Variants in VRK1 observed in about 807,000 individuals in gnomAD.
VRK1 encodes serine/threonine-protein kinase VRK1.
VRK1 carries 33 observed loss-of-function variants against 57.1 expected under a neutral mutation model. The ratio of observed to expected loss-of-function variants is 0.58; its 90% CI spans 0.44 to 0.77. The LOEUF (loss-of-function observed/expected upper bound fraction) is 0.77, where lower values mean the gene tolerates loss of function less well. Ranked by LOEUF, VRK1 falls within the 30% of genes least tolerant of loss-of-function variation. The pLI is 0.00. For synonymous variants in VRK1, 137 were observed against 147.8 expected, an observed-to-expected ratio of 0.93 and a Z score of 0.53; for missense variants, 413 against 477.3, an observed-to-expected ratio of 0.87 and a Z score of 1.25.
intron 3 of VRK1, among the ~76,000 whole-genome samples, chr14:96,842,615 C>T (rs963486950): frequency 4.6e-5 from 7 of 152,032 alleles, no homozygotes; most frequent in African/African-American, 1.7e-4. Context: ...GCAAATGTTA[C>T]GAAATAAAGG....
At chr14:96,841,522 T>A (rs187364614) in intron 3 of VRK1, among the ~76,000 whole-genome samples, 2 of 152,316 alleles carry the variant, frequency 1.3e-5, no homozygotes, top group East Asian at 3.9e-4. Context: ...TTTTAGTAAC[T>A]TTTTGGATGT....
At chr14:96,814,993 G>A (rs962268960) in intron 1 of VRK1, among the ~76,000 whole-genome samples, 5 of 152,118 alleles carry the variant, frequency 3.3e-5, no homozygotes, top group Admixed American at 6.5e-5. Flanking sequence ...AACTATCCAT[G>A]TATATTTGAC....
intron 1 of VRK1, among the ~76,000 whole-genome samples, chr14:96,803,084 ACTGT>A (rs1015459286): frequency 4.0e-5 from 6 of 151,280 alleles, no homozygotes; most frequent in South Asian, 2.1e-4. Flanking sequence ...TATCAGATTG[ACTGT>A]CTGGTGTCTT....
At chr14:96,864,266 A>G (rs1888499121) in intron 11 of VRK1, among the ~76,000 whole-genome samples, 1 of 152,200 alleles carries the variant, frequency 6.6e-6, no homozygotes, top group Admixed American at 6.5e-5. Flanking sequence ...TGTATAGAAA[A>G]GTACATGAAT....
At chr14:96,878,177 A>AATAT (rs1363067309) in intron 12 of VRK1, among the ~76,000 whole-genome samples, 11 of 152,354 alleles carry the variant, frequency 7.2e-5, no homozygotes, top group African/African-American at 1.9e-4. Context: ...AAGTGAGAGA[A>AATAT]ATATTATCTG....
chr14:96,879,995 A>G (rs1479846180), intron 12 of VRK1, among the ~76,000 whole-genome samples: 3 of 152,050 alleles, frequency 2.0e-5, no homozygotes, highest in Non-Finnish European at 2.9e-5. Context: ...ACTGTGGGAT[A>G]TTTTTAATAG....
intron 11 of VRK1, among the ~76,000 whole-genome samples, chr14:96,863,151 A>G (rs980272540): frequency 6.6e-6 from 1 of 152,200 alleles, no homozygotes; most frequent in African/African-American, 2.4e-5. Flanking sequence ...TAAAGCATAG[A>G]ATTTTGGGAT....
intron 1 of VRK1, among the ~76,000 whole-genome samples, chr14:96,801,874 CAA>C (rs540418948): frequency 7.9e-5 from 12 of 151,966 alleles, no homozygotes; most frequent in Non-Finnish European, 1.6e-4. Flanking sequence ...GGAGGAGGAA[CAA>C]GAGGAGAGGT....
chr14:96,877,745 C>T (rs1320046325), intron 12 of VRK1: 1 of 905,760 alleles, frequency 1.1e-6, no homozygotes, highest in African/African-American at 1.8e-5. Context: ...ATCAGGAAGA[C>T]TCATCCCTTT....
intron 11 of VRK1, among the ~76,000 whole-genome samples, chr14:96,873,959 G>A (rs1888927230): frequency 6.6e-6 from 1 of 152,234 alleles, no homozygotes; most frequent in African/African-American, 2.4e-5. Flanking sequence ...TCTTTTGTTG[G>A]TTGAATACTG....
intron 1 of VRK1, among the ~76,000 whole-genome samples, chr14:96,822,084 T>TG (rs1886625349): frequency 6.6e-6 from 1 of 151,992 alleles, no homozygotes; most frequent in African/African-American, 2.4e-5. Context: ...CCCTGCCTTT[T>TG]TTTTTTTTTC....
rs767102801 is a variant in VRK1 at position 96,846,186 on chromosome 14, C to G, written c.286+22C>G. The G allele has an allele frequency of 5.6e-6, 9 of 1,610,204 alleles. No homozygotes were observed. The African/African-American group carries it at 1.2e-4, about 22-fold the overall frequency. On this transcript the variant is annotated intron_variant, in intron 4 of 12. Coordinates refer to ENST00000216639, the MANE Select transcript of VRK1 (RefSeq NM_003384.3). ...CAAAGTAAGAAATACAGTACACATA[C>G]GTTTACACTTTTAAAATGACCAGTT...
chr14:96,826,386 G>A (rs1886801503), intron 1 of VRK1, among the ~76,000 whole-genome samples: 1 of 152,146 alleles, frequency 6.6e-6, no homozygotes, highest in Non-Finnish European at 1.5e-5. Context: ...TGGTGAATAT[G>A]CTAATATGGA....
intron 1 of VRK1, among the ~76,000 whole-genome samples, chr14:96,797,713 C>G (rs866165966): frequency 2.0e-5 from 3 of 152,192 alleles, no homozygotes; most frequent in Admixed American, 6.5e-5. Context: ...GGCCGGCCCC[C>G]ATCTGAGCTC....
chr14:96,860,387 G>T (rs1426442398), intron 10 of VRK1, among the ~76,000 whole-genome samples, 170 bp from the exon 11 acceptor site: 2 of 151,928 alleles, frequency 1.3e-5, no homozygotes, highest in East Asian at 3.8e-4. Context: ...TCAGTTATCT[G>T]ACAATTCCTG....
At chr14:96,838,313 T>A (rs1445035730) in intron 3 of VRK1, among the ~76,000 whole-genome samples, 1 of 152,148 alleles carries the variant, frequency 6.6e-6, no homozygotes, top group Non-Finnish European at 1.5e-5. Flanking sequence ...TGAAATTAGT[T>A]TGTAATGAGT....
In VRK1 at chr14:96,881,448, G is replaced by GT. The variant is rs1889255869; in HGVS notation, c.*243dup. On this transcript the variant is annotated 3_prime_UTR_variant, in exon 13 of 13. Coordinates refer to ENST00000216639, the MANE Select transcript of VRK1 (RefSeq NM_003384.3). ...TCCTTAAGTTATCCCAAAGCCGTGTGTTTGTGATGTTTTGGAGTACATATA... is the reference window on the plus strand; with the variant it reads ...TCCTTAAGTTATCCCAAAGCCGTGTGTTTTGTGATGTTTTGGAGTACATATA... 4 of 423,058 alleles carry GT rather than the reference G, an allele frequency of 9.5e-6. No individual in the cohort carries two copies. Among genetic ancestry groups the GT allele is most frequent in the Non-Finnish European group, 1.7e-5 (4 of 239,572 alleles). The allele number at this position is 423,058 out of a possible 1,614,324, so 26.2% of individuals were successfully genotyped here. A position where few individuals can be genotyped will look rare whatever the true frequency, so the allele number is the denominator to read the frequency against.
chr14:96,799,845 T>A (rs1185624012), intron 1 of VRK1, among the ~76,000 whole-genome samples: 1 of 152,124 alleles, frequency 6.6e-6, no homozygotes, highest in Non-Finnish European at 1.5e-5. Context: ...TCAGCAGAGA[T>A]CACGTGCCCC....
chr14:96,817,190 T>C (rs1166644907), intron 1 of VRK1, among the ~76,000 whole-genome samples: 1 of 152,152 alleles, frequency 6.6e-6, no homozygotes, highest in Non-Finnish European at 1.5e-5. Flanking sequence ...TAAGGAGAAG[T>C]TTTTTTCTTT....
Sources: gnomAD v4.1 joint callset for allele counts (sites outside exome capture counted in the v4.1 genomes callset) on GRCh38, gnomAD v4.1.1 for gene constraint, MANE v1.5 for transcripts, NCBI Gene and HGNC (gene_info 2026-07-23, HGNC 2026-07-21) for gene names.